OPN5: variants seen among roughly 807,000 people sequenced by gnomAD.
OPN5 encodes opsin 5, also known as opsin-5.
Under a neutral mutation model 41.7 loss-of-function variants are expected in OPN5, and 18 were observed. The ratio of observed to expected loss-of-function variants is 0.43; its 90% CI spans 0.30 to 0.64. The LOEUF is 0.64. Ranked by LOEUF, OPN5 falls within the 30% of genes least tolerant of loss-of-function variation. OPN5 has a pLI of 0.13. For missense variants in OPN5, 318 were observed against 434.5 expected, an observed-to-expected ratio of 0.73 and a Z score of 2.38; for synonymous variants, 178 against 164.3, an observed-to-expected ratio of 1.08 and a Z score of -0.64.
chr6:47,789,898 A>ATT (rs5876034), intron 2 of OPN5, among the ~76,000 whole-genome samples: 1 of 143,840 alleles, frequency 7.0e-6, no homozygotes. Flanking sequence ...TTCCTCAGTA[A>ATT]TTTTTTTTTT....
In OPN5 at chr6:47,786,699, G is replaced by C. The variant is rs959636802; in HGVS notation, c.250+65G>C. The C allele has an allele frequency of 1.4e-5, 20 of 1,381,612 alleles. No homozygotes were observed. In the African/African-American group the frequency reaches 1.6e-4, roughly 11 times the overall value. 85.6% of individuals were successfully genotyped at this position (1,381,612 alleles called of 1,614,324 possible). Reference sequence around the variant, plus strand: ...TACTCCCCATTCTAAAGTACTCACTGTCTCAAACGTCACCCCCTGACATCT... The same window carrying C: ...TACTCCCCATTCTAAAGTACTCACTCTCTCAAACGTCACCCCCTGACATCT... On this transcript the variant is annotated intron_variant, in intron 2 of 6. Coordinates refer to ENST00000371211, the Ensembl canonical transcript of OPN5.
At chr6:47,791,955 T>C in exon 3 of OPN5, 1 of 1,613,490 alleles carries the variant, frequency 6.2e-7, no homozygotes, top group Non-Finnish European at 8.5e-7. Context: ...TATTTGAAAA[T>C]CTGCTATTTA....
intron 4 of OPN5, among the ~76,000 whole-genome samples, chr6:47,801,692 G>A (rs1773780340): frequency 6.6e-6 from 1 of 152,062 alleles, no homozygotes; most frequent in South Asian, 2.1e-4. Flanking sequence ...TTATCTTCTT[G>A]GAACATATCA....
intron 5 of OPN5, among the ~76,000 whole-genome samples, chr6:47,809,018 G>C (rs1287961405): frequency 2.6e-5 from 4 of 152,174 alleles, no homozygotes; most frequent in Non-Finnish European, 1.5e-5. Context: ...AGTCTACTGG[G>C]TTTCAAAATG....
intron 4 of OPN5, among the ~76,000 whole-genome samples, chr6:47,802,714 C>T (rs1458675389): frequency 6.6e-6 from 1 of 152,156 alleles, no homozygotes; most frequent in Admixed American, 6.5e-5. Flanking sequence ...GAAGTCTCTC[C>T]TGTTTTGTTG....
intron 4 of OPN5, among the ~76,000 whole-genome samples, chr6:47,796,006 T>C (rs1326074383): frequency 6.6e-6 from 1 of 152,154 alleles, no homozygotes; most frequent in Non-Finnish European, 1.5e-5. Flanking sequence ...CTTGAATTAT[T>C]TATAGAGTAA....
At chr6:47,816,137 T>C (rs1762422197) in intron 6 of OPN5, among the ~76,000 whole-genome samples, 1 of 152,192 alleles carries the variant, frequency 6.6e-6, no homozygotes, top group South Asian at 2.1e-4. Context: ...CTCATTCAGC[T>C]TTGCATTCAG....
intron 4 of OPN5, among the ~76,000 whole-genome samples, chr6:47,807,101 G>T (rs1209142255): frequency 6.6e-6 from 1 of 152,188 alleles, no homozygotes; most frequent in Non-Finnish European, 1.5e-5. Flanking sequence ...AGGTTGCAGT[G>T]AACCAAGATT....
exon 5 of OPN5, chr6:47,808,180 C>T: frequency 6.2e-7 from 1 of 1,613,728 alleles, no homozygotes; most frequent in East Asian, 2.2e-5. Flanking sequence ...GTGCTGGATT[C>T]CTGATTGCCT....
chr6:47,794,032 A>G (rs563989048), intron 3 of OPN5, among the ~76,000 whole-genome samples: 3 of 152,336 alleles, frequency 2.0e-5, no homozygotes, highest in South Asian at 4.1e-4. Context: ...TATATTTCTT[A>G]TTAGCGCTAA....
At chr6:47,823,199 G>T (rs1488794451) in intron 6 of OPN5, among the ~76,000 whole-genome samples, 7 of 152,152 alleles carry the variant, frequency 4.6e-5, no homozygotes, top group Non-Finnish European at 1.0e-4. Context: ...AAACAGAAAA[G>T]GCAGAGTCAG....
intron 5 of OPN5, among the ~76,000 whole-genome samples, chr6:47,810,116 A>G (rs1047331636): frequency 4.6e-5 from 7 of 152,224 alleles, no homozygotes; most frequent in Non-Finnish European, 8.8e-5. Context: ...AGCTCGGTTC[A>G]CTGGTTCCTA....
At chr6:47,783,078 T>A (rs1312157580) in intron 1 of OPN5, among the ~76,000 whole-genome samples, 1 of 152,154 alleles carries the variant, frequency 6.6e-6, no homozygotes, top group Non-Finnish European at 1.5e-5. Flanking sequence ...CTTTGTAAAT[T>A]TTTACTTTGT....
At chr6:47,813,068 AAACAACAAC>A (rs70999651) in intron 6 of OPN5, among the ~76,000 whole-genome samples, 9,733 of 139,124 alleles carry the variant, frequency 0.07, 380 homozygotes, top group South Asian at 0.13. Flanking sequence ...TCTATGATTA[AAACAACAAC>A]AACAACAACA....
chr6:47,798,931 G>A (rs1028007699), intron 4 of OPN5, among the ~76,000 whole-genome samples: 5 of 152,108 alleles, frequency 3.3e-5, no homozygotes, highest in African/African-American at 1.2e-4. Flanking sequence ...GAACAGCCTG[G>A]TCTAAAAGCT....
chr6:47,807,008 T>C (rs887488543), intron 4 of OPN5, among the ~76,000 whole-genome samples: 10 of 152,034 alleles, frequency 6.6e-5, no homozygotes, highest in African/African-American at 2.4e-4. Flanking sequence ...AATACAAAAA[T>C]TAGCCAGGCA....
At position 47,818,414 on chromosome 6, in the gene OPN5, C is replaced by T. The variant is rs138315172; in HGVS notation, c.1057-5569C>T. 2.8e-3 allele frequency among the ~76,000 whole-genome samples: 431 copies of T among 152,306 alleles called. 1 individual carries two copies. The highest frequency in any genetic ancestry group is 9.6e-3 in the African/African-American group (401 of 41,578). On this transcript the variant is annotated intron_variant, in intron 6 of 6. Coordinates refer to ENST00000371211, the Ensembl canonical transcript of OPN5. ...TAGCACTGAAGCAGCAAGTTACTCA[C>T]GACATTTCCAGAAAGTGGAGAATCA...
chr6:47,795,706 G>A, intron 4 of OPN5, 143 bp downstream of exon 4: 1 of 623,736 alleles, frequency 1.6e-6, no homozygotes, highest in Non-Finnish European at 2.8e-6. Context: ...GATTGTCTAA[G>A]CCTTTCTTTG....
chr6:47,797,778 G>A (rs1773624507), intron 4 of OPN5, among the ~76,000 whole-genome samples: 1 of 152,124 alleles, frequency 6.6e-6, no homozygotes, highest in Non-Finnish European at 1.5e-5. Flanking sequence ...CAATAAATCT[G>A]GGTCCTGATT....
Sources: gnomAD v4.1 joint callset for allele counts (sites outside exome capture counted in the v4.1 genomes callset) on GRCh38, gnomAD v4.1.1 for gene constraint, MANE v1.5 for transcripts, NCBI Gene and HGNC (gene_info 2026-07-23, HGNC 2026-07-21) for gene names.